Variants in VWA8 observed in about 807,000 individuals in gnomAD.
The protein encoded by VWA8 is von Willebrand factor A domain containing 8, also known as von Willebrand factor A domain-containing protein 8.
A neutral mutation model predicts 241.5 loss-of-function variants in VWA8; 221 were observed. The observed-to-expected ratio is 0.91, with a 90% CI of 0.82 to 1.02. VWA8 has a LOEUF of 1.02. Among genes scored for constraint, VWA8 ranks in the 50% least tolerant of loss-of-function variants. The probability of loss-of-function intolerance (pLI) is 0.00; values close to 1 mark genes in which losing one functional copy is unlikely to be tolerated. For missense variants in VWA8, 2,322 were observed against 2,328.7 expected (o/e 1.00, Z 0.06); for synonymous variants, 852 against 827.1 (o/e 1.03, Z -0.52).
At chr13:41,594,609 G>A (rs2044476572) in intron 40 of VWA8, among the ~76,000 whole-genome samples, 1 of 152,142 alleles carries the variant, frequency 6.6e-6, no homozygotes, top group African/African-American at 2.4e-5. Context: ...ATGACGGGTA[G>A]AGGGACTAAT....
chr13:41,766,323 G>A (rs542056617), intron 20 of VWA8, among the ~76,000 whole-genome samples: 2 of 152,290 alleles, frequency 1.3e-5, no homozygotes, highest in South Asian at 4.1e-4. Flanking sequence ...ATCAAAGGAG[G>A]AGAGAAAGAA....
intron 42 of VWA8, 113 bp downstream of exon 42, chr13:41,587,399 G>A (rs2044425648): frequency 7.3e-7 from 1 of 1,378,466 alleles, no homozygotes; most frequent in Non-Finnish European, 1.0e-6. Flanking sequence ...CTGCACTGAT[G>A]AATGAGCTGG....
intron 8 of VWA8, among the ~76,000 whole-genome samples, chr13:41,885,051 A>C (rs1874456393): frequency 6.6e-6 from 1 of 152,150 alleles, no homozygotes; most frequent in African/African-American, 2.4e-5. Context: ...CTCACTTCCA[A>C]CAAAGGTGTC....
At chr13:41,929,027 T>A (rs1876980149) in intron 2 of VWA8, among the ~76,000 whole-genome samples, 2 of 151,770 alleles carry the variant, frequency 1.3e-5, no homozygotes, top group Admixed American at 1.3e-4. Flanking sequence ...AAAATCCCAA[T>A]GGCATTCTTC....
intron 2 of VWA8, among the ~76,000 whole-genome samples, chr13:41,921,815 C>T (rs1274143730): frequency 2.0e-5 from 3 of 152,218 alleles, no homozygotes; most frequent in Non-Finnish European, 4.4e-5. Context: ...ACATTCCATG[C>T]TCATGGATAG....
intron 30 of VWA8, 49 bp downstream of exon 30, chr13:41,692,813 A>T: frequency 2.0e-6 from 3 of 1,476,802 alleles, no homozygotes; most frequent in Non-Finnish European, 2.8e-6. Context: ...CTGGTTAGAA[A>T]GCTATAGAAA....
intron 40 of VWA8, among the ~76,000 whole-genome samples, chr13:41,594,085 C>T (rs568074238): frequency 2.0e-5 from 3 of 151,986 alleles, no homozygotes; most frequent in African/African-American, 7.2e-5. Flanking sequence ...ATGTAAAGAG[C>T]CACTGTAATG....
At chr13:41,941,170 C>T (rs1309159799) in intron 2 of VWA8, among the ~76,000 whole-genome samples, 1 of 152,180 alleles carries the variant, frequency 6.6e-6, no homozygotes, top group Non-Finnish European at 1.5e-5. Flanking sequence ...AATACATTCA[C>T]TCAAAGCCTA....
intron 44 of VWA8, among the ~76,000 whole-genome samples, chr13:41,569,665 G>A (rs9315849): frequency 0.042 from 6,097 of 146,226 alleles, 173 homozygotes; most frequent in South Asian, 0.059. Flanking sequence ...TTTTTTTTAA[G>A]ATTACTTTCA....
intron 12 of VWA8, among the ~76,000 whole-genome samples, chr13:41,859,577 G>A (rs1392198005): frequency 2.0e-5 from 3 of 152,036 alleles, no homozygotes; most frequent in Admixed American, 6.6e-5. Flanking sequence ...AAAGAAATCT[G>A]GAAATATGCC....
At chr13:41,822,957 G>A (rs1871024629) in intron 14 of VWA8, among the ~76,000 whole-genome samples, 1 of 152,134 alleles carries the variant, frequency 6.6e-6, no homozygotes, top group East Asian at 1.9e-4. Context: ...GAGGGTAAAA[G>A]GGGCAGGAGT....
In VWA8 at chr13:41,711,751, A is replaced by G. The variant is rs370455188; in HGVS notation, c.3116+7840T>C. 6.8e-4 allele frequency among the ~76,000 whole-genome samples: 104 copies of G among 152,048 alleles called. 1 individual carries two copies. Among genetic ancestry groups the G allele is most frequent in the Middle Eastern group, 3.4e-3 (1 of 294 alleles). ...TAGCGGGGCGTGGTGGCGGGTGCCT[A>G]TAGTCCCAGCTACTTGGGAGGCTGA... On this transcript the variant is annotated intron_variant, in intron 26 of 44. Transcript: ENST00000379310.
At chr13:41,711,524 G>A (rs2045316003) in intron 26 of VWA8, among the ~76,000 whole-genome samples, 1 of 152,182 alleles carries the variant, frequency 6.6e-6, no homozygotes, top group African/African-American at 2.4e-5. Flanking sequence ...CTGTTAAAGT[G>A]ATTATATTAA....
At chr13:41,641,513 T>C (rs2044794904) in intron 37 of VWA8, among the ~76,000 whole-genome samples, 1 of 151,586 alleles carries the variant, frequency 6.6e-6, no homozygotes, top group Non-Finnish European at 1.5e-5. Flanking sequence ...ATACATAGTA[T>C]GTCTGGAGTT....
At chr13:41,618,633 T>C (rs1294306158) in intron 37 of VWA8, among the ~76,000 whole-genome samples, 1 of 152,200 alleles carries the variant, frequency 6.6e-6, no homozygotes, top group Admixed American at 6.5e-5. Flanking sequence ...CTTTAATCCA[T>C]CTTGAATTAA....
At chr13:41,659,522 T>C (rs936135702) in intron 37 of VWA8, among the ~76,000 whole-genome samples, 2 of 152,208 alleles carry the variant, frequency 1.3e-5, no homozygotes, top group African/African-American at 4.8e-5. Context: ...TTCCTTCTTT[T>C]AAAACTGCTA....
intron 21 of VWA8, among the ~76,000 whole-genome samples, chr13:41,758,153 T>C (rs1037703458): frequency 2.0e-5 from 3 of 151,114 alleles, no homozygotes; most frequent in Non-Finnish European, 4.4e-5. Context: ...ATCTCACAAG[T>C]ATGAAACAGA....
At chr13:41,872,934 C>A (rs1873706843) in intron 9 of VWA8, among the ~76,000 whole-genome samples, 1 of 152,076 alleles carries the variant, frequency 6.6e-6, no homozygotes. Context: ...TCTTCCTACC[C>A]ATGAGCATGG....
At chr13:41,875,486 T>C (rs1052343197) in intron 9 of VWA8, among the ~76,000 whole-genome samples, 1 of 152,072 alleles carries the variant, frequency 6.6e-6, no homozygotes, top group Non-Finnish European at 1.5e-5. Context: ...TCAAACTTCA[T>C]TGATACATAT....
Sources: gnomAD v4.1 joint callset for allele counts (sites outside exome capture counted in the v4.1 genomes callset) on GRCh38, gnomAD v4.1.1 for gene constraint, MANE v1.5 for transcripts, NCBI Gene and HGNC (gene_info 2026-07-23, HGNC 2026-07-21) for gene names.